The following WWOX variants were observed in gnomAD, a reference collection of about 807,000 sequenced individuals.
The protein encoded by WWOX is WW domain containing oxidoreductase.
A neutral mutation model predicts 46.2 loss-of-function variants in WWOX; 69 were observed. The ratio of observed to expected loss-of-function variants is 1.49; its 90% CI spans 1.23 to 1.82. The LOEUF (loss-of-function observed/expected upper bound fraction) is 1.82, where lower values mean the gene tolerates loss of function less well. Among genes scored for constraint, WWOX ranks in the 40% most tolerant of loss-of-function variants. The pLI, the probability that WWOX is intolerant of heterozygous loss-of-function variation, is 0.00. For missense variants in WWOX, 919 were observed against 542.6 expected, an observed-to-expected ratio of 1.69 and a Z score of -6.89; for synonymous variants, 359 against 202.6, an observed-to-expected ratio of 1.77 and a Z score of -6.56.
intron 8 of WWOX, among the ~76,000 whole-genome samples, chr16:79,084,649 G>A (rs1406967872): frequency 2.6e-5 from 4 of 152,172 alleles, no homozygotes; most frequent in Admixed American, 6.5e-5. Context: ...TCCTGGCCTC[G>A]TGATGCACCC....
intron 5 of WWOX, among the ~76,000 whole-genome samples, chr16:78,265,605 G>A (rs997874392): frequency 1.8e-4 from 28 of 151,784 alleles, no homozygotes; most frequent in Non-Finnish European, 3.4e-4. Flanking sequence ...TTGAGTCTGG[G>A]AGGCGGAGGT....
intron 8 of WWOX, among the ~76,000 whole-genome samples, chr16:78,907,039 A>G (rs1438888929): frequency 1.3e-5 from 2 of 152,216 alleles, no homozygotes; most frequent in African/African-American, 4.8e-5. Context: ...ATAGGGAAAG[A>G]GTTTAATGTT....
chr16:79,161,204 G>A (rs745625430), intron 8 of WWOX, among the ~76,000 whole-genome samples: 1 of 152,174 alleles, frequency 6.6e-6, no homozygotes, highest in African/African-American at 2.4e-5. Flanking sequence ...GTAAAAATAT[G>A]ACATGACATT....
chr16:78,664,678 C>T (rs1413935240), intron 8 of WWOX, among the ~76,000 whole-genome samples: 4 of 152,238 alleles, frequency 2.6e-5, no homozygotes, highest in Non-Finnish European at 4.4e-5. Context: ...CCAAGCATGC[C>T]GAACGGCCAG....
rs753318636 is a variant in WWOX, at chr16:78,109,820, A to G, written c.215A>G (p.Gln72Arg). 1 of 1,614,204 alleles carries G rather than the reference A, an allele frequency of 6.2e-7. No individual in the cohort carries two copies. The highest frequency in any genetic ancestry group is 2.2e-5 in the East Asian group (1 of 44,878). ...GWEQETDENGQVFFVDHINKR... is the reference protein window; with the variant it reads ...GWEQETDENGRVFFVDHINKR... ...GAACAAGAAACTGATGAGAACGGACAAGTGTTTTTTGTTGAGTAAGTGTCT... is the reference window on the plus strand; with the variant it reads ...GAACAAGAAACTGATGAGAACGGACGAGTGTTTTTTGTTGAGTAAGTGTCT... The change falls in exon 3 of 9, where the codon CAA becomes CGA. Residue 72 changes from glutamine to arginine, a missense_variant. Gln to Arg is a conservative substitution (Grantham distance 43, BLOSUM62 1). Transcript: ENST00000566780.
intron 8 of WWOX, chr16:78,553,112 A>T (rs1298108475): frequency 6.6e-6 from 1 of 152,162 alleles, no homozygotes; most frequent in Non-Finnish European, 1.5e-5. Context: ...AACAACACAC[A>T]CTGGGGCTTG....
chr16:79,144,540 T>C (rs2050149611), intron 8 of WWOX, among the ~76,000 whole-genome samples: 1 of 152,326 alleles, frequency 6.6e-6, no homozygotes, highest in Non-Finnish European at 1.5e-5. Context: ...AGCTTCCTGT[T>C]TGTAACATGA....
intron 8 of WWOX, among the ~76,000 whole-genome samples, chr16:78,647,937 T>C (rs1420447966): frequency 6.6e-6 from 1 of 152,246 alleles, no homozygotes; most frequent in Non-Finnish European, 1.5e-5. Flanking sequence ...GTAATCAACT[T>C]TGCCAAAAAT....
rs138555321 is a variant in WWOX at position 78,819,048 on chromosome 16, C to T, written c.1056+386296C>T. Among the ~76,000 whole-genome samples, 22 of 152,268 alleles carry T rather than the reference C, an allele frequency of 1.4e-4. No individual in the cohort carries two copies. The East Asian group carries it at 3.3e-3, about 23-fold the overall frequency. On this transcript the variant is annotated intron_variant, in intron 8 of 8. Transcript: ENST00000566780. ...GAAAATTAAATGGAAACGATAACGGCGAAGCACTTAGCACATGAGCAGGCC... is the reference window on the plus strand; with the variant it reads ...GAAAATTAAATGGAAACGATAACGGTGAAGCACTTAGCACATGAGCAGGCC...
At chr16:78,451,404 G>A (rs1006294239) in intron 8 of WWOX, among the ~76,000 whole-genome samples, 3 of 152,326 alleles carry the variant, frequency 2.0e-5, no homozygotes, top group Non-Finnish European at 4.4e-5. Flanking sequence ...AACATGGTGG[G>A]ATGGGGAGGA....
chr16:78,606,824 T>C (rs1287138516), intron 8 of WWOX, among the ~76,000 whole-genome samples: 1 of 149,782 alleles, frequency 6.7e-6, no homozygotes, highest in Non-Finnish European at 1.5e-5. Context: ...TTGTTGAGGA[T>C]AAGTGAATTA....
intron 8 of WWOX, among the ~76,000 whole-genome samples, chr16:79,172,171 C>G (rs1048208885): frequency 4.6e-5 from 7 of 152,298 alleles, no homozygotes; most frequent in African/African-American, 1.7e-4. Flanking sequence ...CCATGAACTT[C>G]TCTCATTTCC....
At chr16:78,665,124 C>T (rs1299265281) in intron 8 of WWOX, among the ~76,000 whole-genome samples, 1 of 152,084 alleles carries the variant, frequency 6.6e-6, no homozygotes, top group Non-Finnish European at 1.5e-5. Flanking sequence ...ATAGCAGAGC[C>T]CGGGGCTTTG....
chr16:78,446,591 TA>T (rs1162982338), intron 8 of WWOX, among the ~76,000 whole-genome samples: 2 of 151,348 alleles, frequency 1.3e-5, no homozygotes, highest in Non-Finnish European at 2.9e-5. Flanking sequence ...TATTACCTTA[TA>T]AAAATTACTT....
chr16:78,905,120 C>T lies in WWOX; in HGVS notation c.1057-306488C>T, dbSNP rs2044928449. On this transcript the variant is annotated intron_variant, in intron 8 of 8. Transcript: ENST00000566780. ...AAAACATATTGCATAATGAGGCCTT[C>T]AATGACTCTGATTTGGAACTGACCC... Among the ~76,000 whole-genome samples, 4 of 152,162 alleles carry T rather than the reference C, an allele frequency of 2.6e-5. No individual in the cohort carries two copies. In the South Asian group the frequency reaches 8.3e-4, roughly 32 times the overall value.
chr16:78,108,816 C>T (rs944607451), intron 2 of WWOX, among the ~76,000 whole-genome samples: 24 of 152,164 alleles, frequency 1.6e-4, no homozygotes, highest in Admixed American at 1.2e-3. Context: ...GTTGAAAGCG[C>T]ATCTCTTCTA....
intron 8 of WWOX, among the ~76,000 whole-genome samples, chr16:78,773,891 T>A (rs544250347): frequency 6.6e-6 from 1 of 152,330 alleles, no homozygotes; most frequent in South Asian, 2.1e-4. Flanking sequence ...CATACTTGTA[T>A]GGGAGATCCA....
intron 8 of WWOX, among the ~76,000 whole-genome samples, chr16:78,882,641 C>T (rs2044367769): frequency 6.6e-6 from 1 of 151,820 alleles, no homozygotes; most frequent in African/African-American, 2.4e-5. Flanking sequence ...GTATGTGCTA[C>T]CGTGCCCAGC....
At chr16:78,931,070 A>G (rs2045614340) in intron 8 of WWOX, among the ~76,000 whole-genome samples, 1 of 152,192 alleles carries the variant, frequency 6.6e-6, no homozygotes, top group Non-Finnish European at 1.5e-5. Flanking sequence ...TGTTTTACTT[A>G]GTGATGAGCA....
Sources: gnomAD v4.1 joint callset for allele counts (sites outside exome capture counted in the v4.1 genomes callset) on GRCh38, gnomAD v4.1.1 for gene constraint, MANE v1.5 for transcripts, NCBI Gene and HGNC (gene_info 2026-07-23, HGNC 2026-07-21) for gene names.